GGA2: variants seen among roughly 807,000 people sequenced by gnomAD.
GGA2 encodes the protein ADP-ribosylation factor-binding protein GGA2.
GGA2 carries 48 observed loss-of-function variants against 79.5 expected under a neutral mutation model. The observed-to-expected ratio is 0.60, with a 90% CI of 0.48 to 0.77. The LOEUF (loss-of-function observed/expected upper bound fraction) is 0.77. Among genes scored for constraint, GGA2 ranks in the 30% least tolerant of loss-of-function variants. The pLI, the probability that GGA2 is intolerant of heterozygous loss-of-function variation, is 0.00. For synonymous variants in GGA2, 317 were observed against 302.0 expected, an observed-to-expected ratio of 1.05 and a Z score of -0.51; for missense variants, 770 against 774.0, an observed-to-expected ratio of 0.99 and a Z score of 0.06.
intron 2 of GGA2, among the ~76,000 whole-genome samples, chr16:23,518,846 G>A (rs1364995349): frequency 1.3e-5 from 2 of 152,142 alleles, no homozygotes; most frequent in East Asian, 3.8e-4. Context: ...AACGTGCCAG[G>A]TGCTATGGTT....
chr16:23,511,149 A>C (rs1187887715), upstream of GGA2, among the ~76,000 whole-genome samples: 5 of 148,968 alleles, frequency 3.4e-5, no homozygotes, highest in East Asian at 4.0e-4. Context: ...TTTATTTTTT[A>C]TTTTTCTTTT....
chr16:23,524,343 G>T, upstream of GGA2: 1 of 1,591,466 alleles, frequency 6.3e-7, no homozygotes, highest in Non-Finnish European at 8.6e-7. Flanking sequence ...TTCTTAGGGC[G>T]ATCTCCACTG....
At chr16:23,522,110 A>T (rs1037867512), upstream of GGA2, 4 of 272,992 alleles carry the variant, frequency 1.5e-5, no homozygotes, top group Non-Finnish European at 7.4e-6. Context: ...ATAAGCGCAC[A>T]ATAAATTACA....
chr16:23,491,559 G>T, intron 5 of GGA2, 118 bp downstream of exon 5: 2 of 625,012 alleles, frequency 3.2e-6, no homozygotes, highest in Non-Finnish European at 5.2e-6. Context: ...CTCTACCTCA[G>T]TGTCTATGGT....
chr16:23,513,883 C>G (rs1256681969), upstream of GGA2, among the ~76,000 whole-genome samples: 6 of 151,980 alleles, frequency 3.9e-5, 1 homozygote, highest in Admixed American at 2.6e-4. Flanking sequence ...GTCATGCCCC[C>G]TTATTCCTGC....
intron 1 of GGA2, among the ~76,000 whole-genome samples, chr16:23,508,871 G>C (rs1341848968): frequency 6.6e-6 from 1 of 152,022 alleles, no homozygotes; most frequent in Admixed American, 6.5e-5. Context: ...CACAGGGGAG[G>C]CATCTGTAAC....
chr16:23,477,780 T>C lies in GGA2; in HGVS notation c.1292+588A>G, dbSNP rs115577456. Among the ~76,000 whole-genome samples the C allele has an allele frequency of 2.9e-3, 435 of 152,130 alleles. 5 individuals are homozygous for C. Among genetic ancestry groups the C allele is most frequent in the Middle Eastern group, 6.8e-3 (2 of 292 alleles). Reference sequence around the variant, plus strand: ...ACAAACAAACAAAAACACATGCCTTTTGCCTTCCGCCATGACTGGGAGGCC... The same window carrying C: ...ACAAACAAACAAAAACACATGCCTTCTGCCTTCCGCCATGACTGGGAGGCC... On this transcript the variant is annotated intron_variant, in intron 13 of 16. Transcript: ENST00000309859.
chr16:23,498,097 C>G (rs550670207), intron 1 of GGA2, among the ~76,000 whole-genome samples: 2 of 151,422 alleles, frequency 1.3e-5, no homozygotes, highest in Non-Finnish European at 2.9e-5. Flanking sequence ...CTGGGCAACA[C>G]GGTGAAATCC....
intron 6 of GGA2, among the ~76,000 whole-genome samples, chr16:23,487,332 G>A (rs373428849): frequency 1.3e-5 from 2 of 152,146 alleles, no homozygotes; most frequent in East Asian, 3.9e-4. Context: ...TCTCCCAGGG[G>A]ATGTCTGGCT....
At chr16:23,520,603 A>C (rs1332480711) in intron 1 of GGA2, among the ~76,000 whole-genome samples, 2 of 151,762 alleles carry the variant, frequency 1.3e-5, no homozygotes, top group African/African-American at 2.4e-5. Flanking sequence ...CTACAGTGAA[A>C]TATAATTGTG....
At chr16:23,485,975 T>A (rs754219820) in intron 8 of GGA2, 40 bp downstream of exon 8, 1 of 1,592,688 alleles carries the variant, frequency 6.3e-7, no homozygotes, top group Non-Finnish European at 8.6e-7. Flanking sequence ...AAACCCACTT[T>A]AGTAAACATG....
At chr16:23,523,007 CG>C (rs1965165336), upstream of GGA2, 1 of 152,158 alleles carries the variant, frequency 6.6e-6, no homozygotes, top group Admixed American at 6.6e-5. Flanking sequence ...CCAAAGTAAG[CG>C]ATCAAAGAAA....
Position 23,478,871 on chromosome 16 carries a change from G to T in GGA2, c.1158+12C>A. ...CCATTCTCTCTCCGGGCCCTGGGAAGGGCATCCTTACCATGCCTGTAACAG... is the reference window on the plus strand; with the variant it reads ...CCATTCTCTCTCCGGGCCCTGGGAATGGCATCCTTACCATGCCTGTAACAG... On this transcript the variant is annotated intron_variant, in intron 12 of 16. Coordinates refer to ENST00000309859, the MANE Select transcript of GGA2 (RefSeq NM_015044.4). 1 of 1,593,482 alleles carries T rather than the reference G, an allele frequency of 6.3e-7. No individual in the cohort carries two copies. The highest frequency in any genetic ancestry group is 8.6e-7 in the Non-Finnish European group (1 of 1,162,048).
intron 1 of GGA2, among the ~76,000 whole-genome samples, chr16:23,507,323 G>GA (rs1258942994): frequency 6.6e-6 from 1 of 152,110 alleles, no homozygotes; most frequent in Admixed American, 6.6e-5. Flanking sequence ...TATATGCCAT[G>GA]AAAAAAACCA....
upstream of GGA2, among the ~76,000 whole-genome samples, chr16:23,514,050 T>TA (rs1446898087): frequency 6.6e-6 from 1 of 152,124 alleles, no homozygotes; most frequent in Non-Finnish European, 1.5e-5. Flanking sequence ...AATATAAAAG[T>TA]AGACAGCCTT....
intron 2 of GGA2, among the ~76,000 whole-genome samples, chr16:23,495,145 C>T (rs1469201908): frequency 1.3e-5 from 2 of 151,812 alleles, no homozygotes; most frequent in East Asian, 3.9e-4. Context: ...TCACTTGATT[C>T]TGATTCTTCA....
chr16:23,508,346 A>G (rs563714444), intron 1 of GGA2, among the ~76,000 whole-genome samples: 13 of 152,304 alleles, frequency 8.5e-5, no homozygotes, highest in African/African-American at 3.1e-4. Context: ...GATTACAGGC[A>G]TGAACAGCCT....
Position 23,465,546 on chromosome 16 carries a change from T to TA in GGA2, c.*2043dup. On this transcript the variant is annotated 3_prime_UTR_variant, in exon 17 of 17. Transcript: ENST00000309859. Reference sequence around the variant, plus strand: ...AGGGGAGAAAGCCTGTCTTTATGTATAAGTCTCATTCACCCATTTTGACCA... The same window carrying TA: ...AGGGGAGAAAGCCTGTCTTTATGTATAAAGTCTCATTCACCCATTTTGACCA... 1 of 631,150 alleles carries TA rather than the reference T, an allele frequency of 1.6e-6. No homozygotes were observed. Among genetic ancestry groups the TA allele is most frequent in the South Asian group, 1.8e-5 (1 of 54,460 alleles). The allele number at this position is 631,150 out of a possible 1,614,324, so 39.1% of individuals were successfully genotyped here. A position where few individuals can be genotyped will look rare whatever the true frequency, so the allele number is the denominator to read the frequency against.
Position 23,486,723 on chromosome 16 carries a change from T to C in GGA2, c.647A>G (p.Asn216Ser). 6.2e-7 allele frequency: 1 copy of C among 1,605,588 alleles called. No individual in the cohort carries two copies. Among genetic ancestry groups the C allele is most frequent in the Non-Finnish European group, 8.5e-7 (1 of 1,172,204 alleles). ...DLQAANRLIK[N>S]LVKEEQEKSE... ...AAGAATGCCCACCTCCTTGACCAAA[T>C]TCTTGATTAACCGGTTTGCAGCCTG... The change falls in exon 7 of 17, where the codon AAT becomes AGT. Residue 216 changes from asparagine to serine, a missense_variant. Asn to Ser is a conservative substitution (Grantham distance 46). Coordinates refer to ENST00000309859, the MANE Select transcript of GGA2 (RefSeq NM_015044.4).
Sources: allele counts gnomAD v4.1 joint callset (sites outside exome capture counted in the v4.1 genomes callset), GRCh38; gene constraint gnomAD v4.1.1; transcripts MANE v1.5; gene names NCBI Gene and HGNC (gene_info 2026-07-23, HGNC 2026-07-21).